The following ERBB4 variants were observed in gnomAD, a reference collection of about 807,000 sequenced individuals.
ERBB4 encodes the protein erb-b2 receptor tyrosine kinase 4.
Under a neutral mutation model 158.0 loss-of-function variants are expected in ERBB4, and 42 were observed. The ratio of observed to expected loss-of-function variants is 0.27; its 90% CI spans 0.21 to 0.34. The LOEUF is 0.34. Ranked by LOEUF, ERBB4 falls within the 10% of genes least tolerant of loss-of-function variation. ERBB4 has a pLI of 1.00. For missense variants in ERBB4, 1,333 were observed against 1,624.1 expected, an observed-to-expected ratio of 0.82 and a Z score of 3.08; for synonymous variants, 583 against 558.7, an observed-to-expected ratio of 1.04 and a Z score of -0.61.
At chr2:211,604,463 A>C (rs1384026984) in intron 19 of ERBB4, among the ~76,000 whole-genome samples, 1 of 150,500 alleles carries the variant, frequency 6.6e-6, no homozygotes, top group African/African-American at 2.4e-5. Context: ...TCACTTAGTA[A>C]TCCTCCAAGG....
At chr2:212,313,698 C>T (rs2087146894) in intron 1 of ERBB4, among the ~76,000 whole-genome samples, 1 of 150,988 alleles carries the variant, frequency 6.6e-6, no homozygotes, top group Non-Finnish European at 1.5e-5. Context: ...ACTATTCCCA[C>T]AAGTCACAAT....
intron 2 of ERBB4, among the ~76,000 whole-genome samples, chr2:211,993,172 C>A (rs576551953): frequency 2.0e-5 from 3 of 152,122 alleles, no homozygotes; most frequent in Non-Finnish European, 4.4e-5. Flanking sequence ...TAACTGTATA[C>A]GGAGATAGGA....
At chr2:212,401,255 T>A (rs561574403) in intron 1 of ERBB4, among the ~76,000 whole-genome samples, 1 of 152,262 alleles carries the variant, frequency 6.6e-6, no homozygotes, top group East Asian at 1.9e-4. Context: ...ACTAGCAATG[T>A]AGTCAGAATT....
At chr2:212,418,195 A>T (rs899287351) in intron 1 of ERBB4, among the ~76,000 whole-genome samples, 2 of 151,962 alleles carry the variant, frequency 1.3e-5, no homozygotes, top group Non-Finnish European at 2.9e-5. Flanking sequence ...ACAGTACTCC[A>T]GAGAAAATTT....
intron 1 of ERBB4, among the ~76,000 whole-genome samples, chr2:212,211,253 C>T (rs934749346): frequency 6.6e-6 from 1 of 152,064 alleles, no homozygotes; most frequent in Non-Finnish European, 1.5e-5. Flanking sequence ...CCACTCATCC[C>T]TCCAGTTTCC....
intron 2 of ERBB4, among the ~76,000 whole-genome samples, chr2:212,088,258 T>C (rs2078673812): frequency 6.6e-6 from 1 of 152,118 alleles, no homozygotes; most frequent in African/African-American, 2.4e-5. Flanking sequence ...AAATAGAAGT[T>C]TCCTATTACA....
At chr2:212,535,861 A>C (rs1693026310) in intron 1 of ERBB4, among the ~76,000 whole-genome samples, 1 of 152,258 alleles carries the variant, frequency 6.6e-6, no homozygotes, top group Admixed American at 6.5e-5. Context: ...ATACAACAGC[A>C]TCCCCCGCCC....
rs7561409 is a variant in ERBB4 at position 212,096,503 on chromosome 2, G to A, written c.234+28249C>T. ...TTATGAAAACAAAGTTTAAAGGACC[G>A]TTTTGTTCTTCAAAATAAAATAAAA... On this transcript the variant is annotated intron_variant, in intron 2 of 27. Coordinates refer to ENST00000342788, the MANE Select transcript of ERBB4 (RefSeq NM_005235.3). Among the ~76,000 whole-genome samples the A allele has an allele frequency of 6.6e-5, 10 of 152,006 alleles. 1 individual carries two copies. The South Asian group carries it at 1.0e-3, about 16-fold the overall frequency.
intron 1 of ERBB4, among the ~76,000 whole-genome samples, chr2:212,212,644 G>T (rs532979575): frequency 1.3e-5 from 2 of 151,738 alleles, no homozygotes; most frequent in Non-Finnish European, 2.9e-5. Flanking sequence ...AGCTGGAGGC[G>T]TCAGGCTACC....
chr2:211,865,276 C>A (rs1052856790), intron 3 of ERBB4, among the ~76,000 whole-genome samples: 4 of 151,240 alleles, frequency 2.6e-5, no homozygotes, highest in Admixed American at 6.6e-5. Context: ...TTGGAAAAAA[C>A]CTGTCCTGAC....
chr2:212,193,876 G>C (rs1267554509), intron 1 of ERBB4, among the ~76,000 whole-genome samples: 3 of 151,996 alleles, frequency 2.0e-5, no homozygotes, highest in Non-Finnish European at 2.9e-5. Context: ...GTTTGTGGTA[G>C]ACTTTCAAGA....
chr2:211,796,715 T>C (rs139994802), intron 3 of ERBB4, among the ~76,000 whole-genome samples: 144 of 152,056 alleles, frequency 9.5e-4, no homozygotes, highest in African/African-American at 3.3e-3. Context: ...ATACTATCTT[T>C]AAAGAGTAAT....
chr2:212,035,047 C>T (rs1373948254), intron 2 of ERBB4, among the ~76,000 whole-genome samples: 4 of 152,160 alleles, frequency 2.6e-5, no homozygotes, highest in African/African-American at 9.6e-5. Context: ...GCACCATATA[C>T]GATGATGTTC....
chr2:212,479,526 A>G (rs1439936549), intron 1 of ERBB4, among the ~76,000 whole-genome samples: 3 of 152,184 alleles, frequency 2.0e-5, no homozygotes, highest in African/African-American at 7.2e-5. Flanking sequence ...TACGCTTGAA[A>G]GTCATTAACT....
chr2:212,146,661 G>C (rs940677997), intron 1 of ERBB4, among the ~76,000 whole-genome samples: 6 of 152,012 alleles, frequency 3.9e-5, no homozygotes, highest in African/African-American at 1.4e-4. Flanking sequence ...AACAGCTAGG[G>C]GGCTTTTTGC....
At chr2:212,195,079 A>G (rs1338079076) in intron 1 of ERBB4, among the ~76,000 whole-genome samples, 1 of 152,066 alleles carries the variant, frequency 6.6e-6, no homozygotes, top group Non-Finnish European at 1.5e-5. Context: ...AAATTCAAAT[A>G]AAGTTTTATA....
chr2:212,319,239 C>CTAATTTTATAGATGAGTAA (rs768100055), intron 1 of ERBB4, among the ~76,000 whole-genome samples: 1 of 150,974 alleles, frequency 6.6e-6, no homozygotes, highest in Non-Finnish European at 1.5e-5. Context: ...TTTCATACAT[C>CTAATTTTATAGATGAGTAA]ACAGCCTTCA....
rs547196104 is a variant in ERBB4 at position 212,010,930 on chromosome 2, A to C, written c.235-63314T>G. ...CTCTCCTACTTGCACATCCATTTAT[A>C]GGCTCTCTACAAGAAGAAAAATATG... is the stretch of plus-strand genomic sequence containing the variant. On this transcript the variant is annotated intron_variant, in intron 2 of 27. Transcript: ENST00000342788. 3.3e-5 allele frequency among the ~76,000 whole-genome samples: 5 copies of C among 152,282 alleles called. No homozygotes were observed. In the South Asian group the frequency reaches 8.3e-4, roughly 25 times the overall value.
chr2:212,213,136 C>G (rs553813442), intron 1 of ERBB4, among the ~76,000 whole-genome samples: 1 of 151,754 alleles, frequency 6.6e-6, no homozygotes, highest in South Asian at 2.1e-4. Context: ...AGGCAACCTA[C>G]GAATAGGAGA....
Sources: gnomAD v4.1 joint callset for allele counts (sites outside exome capture counted in the v4.1 genomes callset) on GRCh38, gnomAD v4.1.1 for gene constraint, MANE v1.5 for transcripts, NCBI Gene and HGNC (gene_info 2026-07-23, HGNC 2026-07-21) for gene names.